The following EDRF1 variants were observed in gnomAD, a reference collection of about 807,000 sequenced individuals.
The protein encoded by EDRF1 is erythroid differentiation regulatory factor 1, also known as erythroid differentiation-related factor 1.
Under a neutral mutation model 148.7 loss-of-function variants are expected in EDRF1, and 69 were observed. The ratio of observed to expected loss-of-function variants is 0.46; its 90% CI spans 0.38 to 0.57. EDRF1 has a LOEUF of 0.57. EDRF1 is among the 20% of genes least tolerant of loss of function. The probability of loss-of-function intolerance (pLI) is 0.00; values close to 1 mark genes in which losing one functional copy is unlikely to be tolerated. For missense variants in EDRF1, 1,118 were observed against 1,478.7 expected, an observed-to-expected ratio of 0.76 and a Z score of 4.00; for synonymous variants, 515 against 532.8, an observed-to-expected ratio of 0.97 and a Z score of 0.46.
intron 17 of EDRF1, among the ~76,000 whole-genome samples, chr10:125,742,036 A>G (rs142231475): frequency 2.0e-4 from 31 of 152,324 alleles, no homozygotes; most frequent in African/African-American, 7.2e-4. Flanking sequence ...AGGTTCTTCT[A>G]GGTAACACTT....
chr10:125,758,034 A>AT (rs931170761), intron 24 of EDRF1, among the ~76,000 whole-genome samples: 6 of 151,356 alleles, frequency 4.0e-5, no homozygotes, highest in Admixed American at 3.3e-4. Flanking sequence ...TTTTGATGCC[A>AT]TTTTTTCCTT....
intron 13 of EDRF1, 123 bp from the exon 14 acceptor site, chr10:125,737,795 G>T (rs959872966): frequency 7.6e-5 from 71 of 930,816 alleles, no homozygotes; most frequent in Non-Finnish European, 1.2e-4. Context: ...CATATATGTT[G>T]TAGGATCTTT....
In EDRF1 at chr10:125,740,546, A is replaced by G. The variant is rs1333257666; in HGVS notation, c.2065A>G (p.Ile689Val). 1.2e-6 allele frequency: 2 copies of G among 1,614,028 alleles called. No homozygotes were observed. The highest frequency in any genetic ancestry group is 1.7e-6 in the Non-Finnish European group (2 of 1,180,030). Residue 689 changes from isoleucine (I) to valine (V), a missense_variant, in exon 16 of 25, where the codon ATT becomes GTT. Physicochemically the swap from Ile to Val is conservative, Grantham distance 29. This residue lies in a region of EDRF1 where 954 missense variants were observed against 1,241.4 expected (regional missense o/e 0.77). Coordinates refer to ENST00000356792, the MANE Select transcript of EDRF1 (RefSeq NM_001202438.2). ...SWQHKMKLQL[I>V]LKSSKAYYVL... The stretch of plus-strand genomic sequence containing the variant: ...GCAACATAAAATGAAACTTCAGCTG[A>G]TTCTCAAGTCATCAAAGGCCTATTA...
chr10:125,754,632 G>A (rs889160426), intron 24 of EDRF1, among the ~76,000 whole-genome samples: 15 of 152,124 alleles, frequency 9.9e-5, no homozygotes, highest in South Asian at 2.1e-4. Context: ...ATCTTGTTGC[G>A]CTTACATTCT....
At chr10:125,733,767 T>C (rs1564737109) in intron 11 of EDRF1, 24 bp downstream of exon 11, 1 of 1,575,058 alleles carries the variant, frequency 6.3e-7, no homozygotes, top group Non-Finnish European at 8.7e-7. Context: ...GAATTTAAGA[T>C]GAAGAAGTAG....
chr10:125,763,646 T>G lies in EDRF1; in HGVS notation c.*174T>G. The G allele has an allele frequency of 1.3e-6, 1 of 740,782 alleles. No individual in the cohort carries two copies. Among genetic ancestry groups the G allele is most frequent in the Non-Finnish European group, 2.2e-6 (1 of 458,324 alleles). The allele number at this position is 740,782 out of a possible 1,614,324, so 45.9% of individuals were successfully genotyped here. A position where few individuals can be genotyped will look rare whatever the true frequency, so the allele number is the denominator to read the frequency against. On this transcript the variant is annotated 3_prime_UTR_variant, in exon 25 of 25. Transcript: ENST00000356792. The surrounding 1 kb of genome is among the most constrained non-coding windows in gnomAD (Gnocchi z 4.3). ...ACAAATTACGGTTGAGTTCTGTGGC[T>G]TCTTCACTTGAAGTGCTAACATCAG... is the stretch of plus-strand genomic sequence containing the variant.
At chr10:125,756,234 A>T (rs890119307) in intron 24 of EDRF1, among the ~76,000 whole-genome samples, 1 of 152,164 alleles carries the variant, frequency 6.6e-6, no homozygotes, top group Non-Finnish European at 1.5e-5. Context: ...GTTTCTGAAT[A>T]TTGGGACTTG....
chr10:125,749,597 A>G (rs1314688719), intron 22 of EDRF1, 32 bp downstream of exon 22: 2 of 1,610,898 alleles, frequency 1.2e-6, no homozygotes, highest in East Asian at 2.2e-5. Context: ...TCAGATATGT[A>G]TGCATTGGCT....
At chr10:125,721,737 T>C (rs889043813) in intron 2 of EDRF1, among the ~76,000 whole-genome samples, 8 of 152,362 alleles carry the variant, frequency 5.3e-5, no homozygotes, top group African/African-American at 1.9e-4. Context: ...AAGGATCAGC[T>C]TGGTGCATGA....
At chr10:125,725,143 A>G (rs1848192310) in intron 4 of EDRF1, among the ~76,000 whole-genome samples, 175 bp from the exon 5 acceptor site, 1 of 152,228 alleles carries the variant, frequency 6.6e-6, no homozygotes, top group Non-Finnish European at 1.5e-5. Context: ...TTCCTTTAGG[A>G]AACAAAAAAC....
At position 125,738,403 on chromosome 10, in the gene EDRF1, C is replaced by T. The variant is rs1277647569; in HGVS notation, c.1939C>T (p.Pro647Ser). ...KYEDESSRGGPEGLEKQMALF... is the reference protein window; with the variant it reads ...KYEDESSRGGSEGLEKQMALF... The stretch of plus-strand genomic sequence containing the variant: ...TGAAGATGAATCCTCAAGAGGGGGT[C>T]CCGAGGGGCTAGAGAAGCAGATGGC... Residue 647 changes from proline to serine, a missense_variant, in exon 15 of 25, where the codon CCC becomes TCC. Physicochemically the swap from Pro to Ser is moderately conservative, Grantham distance 74. Transcript: ENST00000356792. The T allele has an allele frequency of 1.2e-6, 2 of 1,614,052 alleles. No individual in the cohort carries two copies. The highest frequency in any genetic ancestry group is 1.7e-6 in the Non-Finnish European group (2 of 1,179,982).
intron 6 of EDRF1, among the ~76,000 whole-genome samples, chr10:125,726,237 C>A (rs1416708915): frequency 6.6e-6 from 1 of 152,002 alleles, no homozygotes; most frequent in East Asian, 1.9e-4. Flanking sequence ...ACATTTCCTA[C>A]CAAATATTGA....
In EDRF1 at chr10:125,728,993, CTT is replaced by C. The variant is rs538560615; in HGVS notation, c.793-7_793-6del. The C allele has an allele frequency of 3.1e-4, 489 of 1,565,594 alleles. No homozygotes were observed. The African/African-American group carries it at 6.3e-3, about 20-fold the overall frequency. On this transcript the variant is annotated splice_region_variant and splice_polypyrimidine_tract_variant and intron_variant, in intron 6 of 24. Transcript: ENST00000356792. ...AGCAGAATCACTCCTTATCCTTGCACTTTTCACAGGGAAGTGAGCCTCTTGAA... is the reference window on the plus strand; with the variant it reads ...AGCAGAATCACTCCTTATCCTTGCACTTCACAGGGAAGTGAGCCTCTTGAA...
chr10:125,749,331 G>A, intron 21 of EDRF1, 81 bp from the exon 22 acceptor site: 1 of 1,533,760 alleles, frequency 6.5e-7, no homozygotes, highest in Non-Finnish European at 9.0e-7. Context: ...CCACAGTGGG[G>A]GAAAAATAAC....
intron 17 of EDRF1, 85 bp downstream of exon 17, chr10:125,741,286 GA>G: frequency 1.7e-6 from 2 of 1,188,302 alleles, no homozygotes; most frequent in East Asian, 2.4e-5. Flanking sequence ...AAAAGGGGTA[GA>G]AATATTAGAG....
intron 12 of EDRF1, among the ~76,000 whole-genome samples, chr10:125,734,696 G>A (rs543367793): frequency 6.6e-6 from 1 of 152,136 alleles, no homozygotes; most frequent in African/African-American, 2.4e-5. Context: ...CTTAAATAAA[G>A]GCCAGTAAAA....
chr10:125,757,666 C>A (rs1424372765), intron 24 of EDRF1, among the ~76,000 whole-genome samples: 2 of 152,076 alleles, frequency 1.3e-5, no homozygotes, highest in Non-Finnish European at 1.5e-5. Flanking sequence ...AGTTTTTATT[C>A]TTTTTTCAGT....
intron 3 of EDRF1, 43 bp downstream of exon 3, chr10:125,723,177 G>T: frequency 6.5e-7 from 1 of 1,529,780 alleles, no homozygotes; most frequent in African/African-American, 1.4e-5. Context: ...GAGGTGTTTT[G>T]TGATAGGTGT....
intron 24 of EDRF1, among the ~76,000 whole-genome samples, chr10:125,757,547 C>A (rs1849967245): frequency 1.3e-5 from 2 of 152,176 alleles, no homozygotes; most frequent in Non-Finnish European, 2.9e-5. Context: ...AGTACTCTTA[C>A]TTTTTGTGTA....
Sources: allele counts gnomAD v4.1 joint callset (sites outside exome capture counted in the v4.1 genomes callset), GRCh38; gene constraint gnomAD v4.1.1; regional missense constraint gnomAD v4.1.1; non-coding constraint Gnocchi (gnomAD v3.1); transcripts MANE v1.5; gene names NCBI Gene and HGNC (gene_info 2026-07-23, HGNC 2026-07-21).